The following ADAMTSL1 variants were observed in gnomAD, a reference collection of about 807,000 sequenced individuals.
ADAMTSL1 encodes the protein ADAMTS like 1, also known as ADAMTS-like protein 1.
In ADAMTSL1, 126 loss-of-function variants were observed where a neutral mutation model predicts 201.8. That is an observed-to-expected ratio of 0.62 (90% CI 0.54 to 0.72). ADAMTSL1 has a LOEUF of 0.72. Among genes scored for constraint, ADAMTSL1 ranks in the 30% least tolerant of loss-of-function variants. ADAMTSL1 has a pLI of 0.00. For synonymous variants in ADAMTSL1, 1,121 were observed against 903.4 expected (o/e 1.24, Z -4.32); for missense variants, 2,679 against 2,277.8 (o/e 1.18, Z -3.59).
intron 16 of ADAMTSL1, among the ~76,000 whole-genome samples, chr9:18,768,811 A>G (rs1306239037): frequency 6.6e-6 from 1 of 152,190 alleles, no homozygotes; most frequent in African/African-American, 2.4e-5. Context: ...ACTGGTCGTA[A>G]CAGAGACCTC....
chr9:18,490,827 A>C (rs1413146349), intron 1 of ADAMTSL1, among the ~76,000 whole-genome samples: 1 of 152,190 alleles, frequency 6.6e-6, no homozygotes, highest in Non-Finnish European at 1.5e-5. Flanking sequence ...GAGCCACGTC[A>C]GCCAAGCGGT....
chr9:18,235,658 C>T (rs1178775330), intron 2 of ADAMTSL1, among the ~76,000 whole-genome samples: 5 of 152,122 alleles, frequency 3.3e-5, no homozygotes, highest in African/African-American at 1.2e-4. Context: ...GGGAAAACCC[C>T]ACCCATGTTA....
At chr9:18,090,697 A>G (rs956543669) in intron 1 of ADAMTSL1, among the ~76,000 whole-genome samples, 1 of 152,178 alleles carries the variant, frequency 6.6e-6, no homozygotes, top group African/African-American at 2.4e-5. Flanking sequence ...CAATATGAAT[A>G]TACTTAATAC....
chr9:18,529,849 C>T (rs1177489326), intron 2 of ADAMTSL1, among the ~76,000 whole-genome samples: 3 of 152,116 alleles, frequency 2.0e-5, no homozygotes, highest in Non-Finnish European at 4.4e-5. Flanking sequence ...CCTGCAAATC[C>T]ATATTAGGCA....
intron 2 of ADAMTSL1, among the ~76,000 whole-genome samples, chr9:18,186,710 T>C (rs570863094): frequency 6.6e-6 from 1 of 152,262 alleles, no homozygotes; most frequent in Admixed American, 6.5e-5. Flanking sequence ...AATTTGGAAT[T>C]GCATTTCACA....
chr9:18,267,776 A>G (rs969981487), intron 2 of ADAMTSL1, among the ~76,000 whole-genome samples: 1 of 125,852 alleles, frequency 7.9e-6, no homozygotes, highest in Non-Finnish European at 1.9e-5. Flanking sequence ...AAAAAAAAAC[A>G]AAAACAAAAA....
At chr9:18,759,768 T>C (rs752492791) in intron 16 of ADAMTSL1, among the ~76,000 whole-genome samples, 16 of 152,228 alleles carry the variant, frequency 1.1e-4, no homozygotes, top group Non-Finnish European at 2.1e-4. Context: ...AACAAGAATG[T>C]AAAACCTTGA....
At position 18,102,994 on chromosome 9, in the gene ADAMTSL1, G is replaced by A. The variant is rs1369914509; in HGVS notation, c.88-60868G>A. Among the ~76,000 whole-genome samples, 5 of 152,238 alleles carry A rather than the reference G, an allele frequency of 3.3e-5. No individual in the cohort carries two copies. In the East Asian group the frequency reaches 9.7e-4, roughly 30 times the overall value. ...TATTTTTGTTTACATTTGAACTGAT[G>A]CCCTTGACTCTTAGTATTCTCCCAT... On this transcript the variant is annotated intron_variant, in intron 1 of 29. Transcript: ENST00000680146.
At chr9:18,765,737 CACTT>C (rs917020611) in intron 16 of ADAMTSL1, among the ~76,000 whole-genome samples, 3 of 152,156 alleles carry the variant, frequency 2.0e-5, no homozygotes, top group African/African-American at 7.2e-5. Context: ...AATTCTCAAA[CACTT>C]AATATGAGCA....
intron 23 of ADAMTSL1, among the ~76,000 whole-genome samples, chr9:18,870,500 T>TA (rs1475783731): frequency 2.6e-5 from 4 of 152,194 alleles, no homozygotes; most frequent in African/African-American, 7.2e-5. Context: ...GTCTGCCTGC[T>TA]AAAAATCTAG....
intron 23 of ADAMTSL1, among the ~76,000 whole-genome samples, chr9:18,867,327 T>G (rs1330781851): frequency 6.6e-6 from 1 of 151,604 alleles, no homozygotes; most frequent in Admixed American, 6.6e-5. Flanking sequence ...TTAAATAGGC[T>G]GGTACAGCAA....
chr9:18,781,253 G>A (rs1234713080), intron 19 of ADAMTSL1, among the ~76,000 whole-genome samples: 3 of 152,070 alleles, frequency 2.0e-5, no homozygotes, highest in East Asian at 1.9e-4. Flanking sequence ...TGTGGGGGAG[G>A]GTAGCACTAA....
chr9:17,990,289 G>C (rs1268525213), intron 1 of ADAMTSL1, among the ~76,000 whole-genome samples: 1 of 151,946 alleles, frequency 6.6e-6, no homozygotes, highest in East Asian at 1.9e-4. Context: ...TTCTGTTTGG[G>C]ATATTTTGTA....
At chr9:18,484,206 T>C (rs374417105) in intron 1 of ADAMTSL1, among the ~76,000 whole-genome samples, 14 of 152,302 alleles carry the variant, frequency 9.2e-5, no homozygotes, top group East Asian at 3.9e-4. Flanking sequence ...TCCTTCTACA[T>C]AGAATGTCGG....
chr9:18,067,382 A>ACTCCTCTTCCTCTAC (rs1822753967), intron 1 of ADAMTSL1, among the ~76,000 whole-genome samples: 1 of 151,670 alleles, frequency 6.6e-6, no homozygotes, highest in South Asian at 2.1e-4. Context: ...ATTAGCAGAT[A>ACTCCTCTTCCTCTAC]CTCCTCTTCC....
chr9:18,746,908 G>A (rs758605983), intron 15 of ADAMTSL1, among the ~76,000 whole-genome samples: 33 of 152,212 alleles, frequency 2.2e-4, no homozygotes, highest in Non-Finnish European at 3.8e-4. Context: ...ACTAACACTT[G>A]GGGAAGACCA....
intron 4 of ADAMTSL1, among the ~76,000 whole-genome samples, chr9:18,591,175 A>G (rs984403432): frequency 3.9e-5 from 6 of 151,998 alleles, no homozygotes. Context: ...GATCTGTTAA[A>G]ATTTGCTTTA....
At chr9:18,089,159 C>A (rs1411367419) in intron 1 of ADAMTSL1, among the ~76,000 whole-genome samples, 2 of 151,904 alleles carry the variant, frequency 1.3e-5, no homozygotes, top group East Asian at 1.9e-4. Context: ...TCTCAAAAAA[C>A]CAAAAAAAAG....
chr9:18,287,597 A>ACATATACG (rs1833051837), intron 2 of ADAMTSL1, among the ~76,000 whole-genome samples: 2 of 135,610 alleles, frequency 1.5e-5, no homozygotes, highest in African/African-American at 5.9e-5. Context: ...ATATATACAC[A>ACATATACG]CATATATGCA....
Sources: gnomAD v4.1 joint callset for allele counts (sites outside exome capture counted in the v4.1 genomes callset) on GRCh38, gnomAD v4.1.1 for gene constraint, MANE v1.5 for transcripts, NCBI Gene and HGNC (gene_info 2026-07-23, HGNC 2026-07-21) for gene names.